Variants in PITPNM2 observed in about 807,000 individuals in gnomAD.
PITPNM2 encodes the protein phosphatidylinositol transfer protein membrane associated 2.
In PITPNM2, 35 loss-of-function variants were observed where a neutral mutation model predicts 132.2. The observed-to-expected ratio is 0.26, with a 90% CI of 0.20 to 0.35. PITPNM2 has a LOEUF of 0.35. Ranked by LOEUF, PITPNM2 falls within the 10% of genes least tolerant of loss-of-function variation. PITPNM2 has a pLI of 1.00. For synonymous variants in PITPNM2, 738 were observed against 799.2 expected (o/e 0.92, Z 1.29); for missense variants, 1,332 against 1,912.0 (o/e 0.70, Z 5.66).
At chr12:123,149,116 C>T (rs2043677046) in intron 1 of PITPNM2, among the ~76,000 whole-genome samples, 1 of 152,142 alleles carries the variant, frequency 6.6e-6, no homozygotes, top group South Asian at 2.1e-4. Flanking sequence ...CAAGAGAAAC[C>T]AAGTGACTTA....
At chr12:123,014,211 T>C (rs1288695996) in intron 3 of PITPNM2, among the ~76,000 whole-genome samples, 169 bp from the exon 4 acceptor site, 1 of 152,192 alleles carries the variant, frequency 6.6e-6, no homozygotes, top group East Asian at 1.9e-4. Context: ...TGCCAGGGCT[T>C]GTGCAAGAGG....
chr12:123,054,504 C>A (rs1048943546), intron 2 of PITPNM2, among the ~76,000 whole-genome samples: 1 of 152,178 alleles, frequency 6.6e-6, no homozygotes, highest in African/African-American at 2.4e-5. Context: ...GTGGGTCAAT[C>A]CTTTACTGGT....
chr12:123,142,924 T>C (rs2043536673), intron 1 of PITPNM2, among the ~76,000 whole-genome samples: 1 of 149,624 alleles, frequency 6.7e-6, no homozygotes, highest in African/African-American at 2.5e-5. Flanking sequence ...TGTTATAAAG[T>C]ACCAAGGAAA....
intron 1 of PITPNM2, among the ~76,000 whole-genome samples, chr12:123,130,320 GCAGTAAAA>G (rs547737160): frequency 6.6e-4 from 100 of 152,248 alleles, no homozygotes; most frequent in African/African-American, 2.2e-3. Flanking sequence ...AATTATCTCA[GCAGTAAAA>G]CAGTAGAGAT....
At chr12:123,107,076 C>T (rs1274667978) in intron 2 of PITPNM2, among the ~76,000 whole-genome samples, 1 of 152,178 alleles carries the variant, frequency 6.6e-6, no homozygotes, top group Non-Finnish European at 1.5e-5. Flanking sequence ...TGGGGACGTG[C>T]CCTGGAAAGT....
chr12:123,121,368 AAAAC>A (rs772057380), intron 1 of PITPNM2, among the ~76,000 whole-genome samples: 3 of 152,334 alleles, frequency 2.0e-5, no homozygotes, highest in South Asian at 2.1e-4. Flanking sequence ...ACCGTGTGTC[AAAAC>A]AAACAAACAA....
At position 123,004,510 on chromosome 12, in the gene PITPNM2, T is replaced by G; in HGVS notation, c.953-21A>C. On this transcript the variant is annotated intron_variant, in intron 7 of 25. Transcript: ENST00000320201. This position sits in a 1 kb window ranked among gnomAD's most constrained non-coding sequence, Gnocchi z 4.9. ...ACTCGCTGGAAGGCAAAACCCCAGA[T>G]TGACCGCCAACTGGAGAGGAAGGGC... 6.2e-7 allele frequency: 1 copy of G among 1,612,340 alleles called. No homozygotes were observed. Among genetic ancestry groups the G allele is most frequent in the South Asian group, 1.1e-5 (1 of 90,940 alleles).
intron 5 of PITPNM2, chr12:123,010,676 T>A (rs1297484821): frequency 6.4e-6 from 1 of 155,624 alleles, no homozygotes; most frequent in East Asian, 1.9e-4. Flanking sequence ...AGGAGAAGGA[T>A]GGCAGCAGTC....
At chr12:123,002,079 T>C (rs1464865886) in intron 8 of PITPNM2, among the ~76,000 whole-genome samples, 1 of 150,616 alleles carries the variant, frequency 6.6e-6, no homozygotes. Flanking sequence ...GGTTCACGTC[T>C]GTAATCCCAA....
intron 2 of PITPNM2, among the ~76,000 whole-genome samples, chr12:123,037,009 A>T (rs547661968): frequency 6.6e-6 from 1 of 152,344 alleles, no homozygotes; most frequent in Admixed American, 6.5e-5. Context: ...TTAGGGCCTG[A>T]GGCCCTGTGG....
intron 1 of PITPNM2, among the ~76,000 whole-genome samples, chr12:123,118,130 T>C (rs1005921961): frequency 5.3e-5 from 8 of 152,244 alleles, no homozygotes; most frequent in African/African-American, 1.9e-4. Context: ...GAGAATTGTC[T>C]AGCAGTTAGC....
chr12:123,122,694 C>A (rs963809992), intron 1 of PITPNM2, among the ~76,000 whole-genome samples: 4 of 152,196 alleles, frequency 2.6e-5, no homozygotes, highest in Non-Finnish European at 5.9e-5. Flanking sequence ...AGACCACAAC[C>A]TGACTACAGG....
rs530154467 is a variant in PITPNM2 at position 123,009,096 on chromosome 12, G to A, written c.643+754C>T. ...TAAGCTTACGTGACAAGCGTGATATGTACTGTCAACAGTGTGGCTCTGTTC... is the reference window on the plus strand; with the variant it reads ...TAAGCTTACGTGACAAGCGTGATATATACTGTCAACAGTGTGGCTCTGTTC... On this transcript the variant is annotated intron_variant, in intron 6 of 25. Coordinates refer to ENST00000320201, the MANE Select transcript of PITPNM2 (RefSeq NM_020845.3). This position sits in a 1 kb window ranked among gnomAD's most constrained non-coding sequence, Gnocchi z 4.8. Among the ~76,000 whole-genome samples the A allele has an allele frequency of 2.6e-5, 4 of 152,222 alleles. No homozygotes were observed. Among genetic ancestry groups the A allele is most frequent in the Non-Finnish European group, 4.4e-5 (3 of 68,038 alleles).
At chr12:123,126,463 G>A (rs1045786963) in intron 1 of PITPNM2, among the ~76,000 whole-genome samples, 2 of 152,196 alleles carry the variant, frequency 1.3e-5, no homozygotes, top group Non-Finnish European at 2.9e-5. Flanking sequence ...CACAAAGCTG[G>A]AGGGCTTTAG....
intron 3 of PITPNM2, among the ~76,000 whole-genome samples, chr12:123,024,226 G>T (rs1048431231): frequency 1.3e-5 from 2 of 152,144 alleles, no homozygotes; most frequent in African/African-American, 4.8e-5. Context: ...AAACCATAAT[G>T]AGATACCACT....
At chr12:123,136,903 A>G (rs2137613556) in intron 1 of PITPNM2, among the ~76,000 whole-genome samples, 1 of 152,326 alleles carries the variant, frequency 6.6e-6, no homozygotes, top group Non-Finnish European at 1.5e-5. Context: ...AAAAAAAATA[A>G]TAATAATAAT....
At chr12:123,096,660 C>A (rs2042418625) in intron 2 of PITPNM2, among the ~76,000 whole-genome samples, 1 of 152,184 alleles carries the variant, frequency 6.6e-6, no homozygotes, top group African/African-American at 2.4e-5. Flanking sequence ...ATCCCTCCCC[C>A]TGCACCACTA....
rs2037979709 is a variant in PITPNM2, at chr12:122,987,319, G to A, written c.3375C>T (p.Ser1125=). ...SFAASVSIMG[S]DPKVRAGAVD... ...CGGCCCCGGCCCGCACCTTGGGGTC[G>A]CTGCCCATGATGGACACGCTAGCGG... The change falls in exon 23 of 26, where the codon AGC becomes AGT. Residue 1125 remains serine (S), a synonymous_variant. Coordinates refer to ENST00000320201, the MANE Select transcript of PITPNM2 (RefSeq NM_020845.3). 4.3e-6 allele frequency: 7 copies of A among 1,612,064 alleles called. No individual in the cohort carries two copies. Among genetic ancestry groups the A allele is most frequent in the Non-Finnish European group, 5.9e-6 (7 of 1,180,016 alleles).
At chr12:123,024,538 T>C (rs1356449372) in intron 3 of PITPNM2, among the ~76,000 whole-genome samples, 1 of 152,198 alleles carries the variant, frequency 6.6e-6, no homozygotes, top group African/African-American at 2.4e-5. Context: ...CACCAACAGA[T>C]GAATGGGGAA....
Sources: allele counts gnomAD v4.1 joint callset (sites outside exome capture counted in the v4.1 genomes callset), GRCh38; gene constraint gnomAD v4.1.1; non-coding constraint Gnocchi (gnomAD v3.1); transcripts MANE v1.5; gene names NCBI Gene and HGNC (gene_info 2026-07-23, HGNC 2026-07-21).